ITGB5: variants seen among roughly 807,000 people sequenced by gnomAD.
ITGB5 encodes the protein integrin subunit beta 5, also known as integrin beta-5.
In ITGB5, 38 loss-of-function variants were observed where a neutral mutation model predicts 84.8. That is an observed-to-expected ratio of 0.45 (90% confidence interval 0.35 to 0.59). The LOEUF (loss-of-function observed/expected upper bound fraction) is 0.59, where lower values mean the gene tolerates loss of function less well. Among genes scored for constraint, ITGB5 ranks in the 20% least tolerant of loss-of-function variants. The pLI is 0.01. For synonymous variants in ITGB5, 393 were observed against 414.4 expected (o/e 0.95, Z 0.63); for missense variants, 905 against 1,034.5 (o/e 0.87, Z 1.72).
At chr3:124,876,185 G>A (rs1934303448) in intron 1 of ITGB5, among the ~76,000 whole-genome samples, 1 of 151,998 alleles carries the variant, frequency 6.6e-6, no homozygotes, top group Non-Finnish European at 1.5e-5. Context: ...TATGGGAGGT[G>A]ATAAATATGT....
intron 9 of ITGB5, among the ~76,000 whole-genome samples, chr3:124,806,135 C>G (rs2064398400): frequency 6.6e-6 from 1 of 152,204 alleles, no homozygotes; most frequent in South Asian, 2.1e-4. Context: ...ATCCGCATGA[C>G]TGTGCTGTTG....
At chr3:124,830,677 T>C (rs972161902) in intron 5 of ITGB5, among the ~76,000 whole-genome samples, 3 of 152,126 alleles carry the variant, frequency 2.0e-5, no homozygotes, top group African/African-American at 4.8e-5. Context: ...GCTAAGCAGC[T>C]CTCCTTGATA....
At chr3:124,842,013 G>A (rs189324609) in intron 4 of ITGB5, among the ~76,000 whole-genome samples, 3 of 152,192 alleles carry the variant, frequency 2.0e-5, no homozygotes, top group African/African-American at 4.8e-5. Context: ...TTGCTGCCAC[G>A]CAACAAAGGA....
intron 2 of ITGB5, among the ~76,000 whole-genome samples, chr3:124,869,897 G>A (rs1395107559): frequency 6.6e-6 from 1 of 152,140 alleles, no homozygotes; most frequent in South Asian, 2.1e-4. Flanking sequence ...AATGGACCTG[G>A]CTTCTGGATT....
intron 9 of ITGB5, among the ~76,000 whole-genome samples, chr3:124,806,678 C>A (rs551088370): frequency 3.9e-5 from 6 of 151,944 alleles, no homozygotes; most frequent in Non-Finnish European, 5.9e-5. Flanking sequence ...ACTTCATGAT[C>A]CACCCGCCTA....
upstream of ITGB5, chr3:124,887,762 G>A: frequency 2.3e-6 from 1 of 435,606 alleles, no homozygotes; most frequent in Non-Finnish European, 4.7e-6. Flanking sequence ...TACGGGGGTC[G>A]TGCCGGTACC....
At chr3:124,895,480 C>T (rs1344672858) in intron 1 of ITGB5, among the ~76,000 whole-genome samples, 1 of 152,206 alleles carries the variant, frequency 6.6e-6, no homozygotes, top group Non-Finnish European at 1.5e-5. Flanking sequence ...CTGCCCCTGG[C>T]CTCCCAAAGT....
rs537153833 is a variant in ITGB5, at chr3:124,801,137, G to A, written c.1264-4320C>T. On this transcript the variant is annotated intron_variant, in intron 9 of 14. Coordinates refer to ENST00000296181, the MANE Select transcript of ITGB5 (RefSeq NM_002213.5). ...GGCTACAGAGTCCCGAGGAGTGGAC[G>A]GGAGCGGGGAGGGGGTGCTGTGGGA... is the stretch of plus-strand genomic sequence containing the variant. Among the ~76,000 whole-genome samples, 7 of 152,288 alleles carry A rather than the reference G, an allele frequency of 4.6e-5. No homozygotes were observed. The East Asian group carries it at 5.8e-4, about 13-fold the overall frequency.
intron 5 of ITGB5, among the ~76,000 whole-genome samples, chr3:124,827,120 C>CA (rs370344679): frequency 3.9e-4 from 58 of 150,114 alleles, no homozygotes; most frequent in African/African-American, 9.5e-4. Context: ...CAAAACAAAA[C>CA]AAAAAAAAAC....
At chr3:124,766,083 G>T in intron 13 of ITGB5, 143 bp downstream of exon 13, 4 of 721,454 alleles carry the variant, frequency 5.5e-6, no homozygotes, top group Non-Finnish European at 8.6e-6. Flanking sequence ...AAAAGAAAAA[G>T]AAGAAATTGT....
intron 2 of ITGB5, among the ~76,000 whole-genome samples, chr3:124,872,265 T>C (rs764040846): frequency 1.4e-4 from 21 of 152,204 alleles, no homozygotes; most frequent in Non-Finnish European, 2.8e-4. Context: ...AGGGAAAAGC[T>C]TGGGCTCAGA....
chr3:124,830,042 T>G (rs2064837543), intron 5 of ITGB5, among the ~76,000 whole-genome samples: 1 of 152,172 alleles, frequency 6.6e-6, no homozygotes, highest in Non-Finnish European at 1.5e-5. Context: ...GCTGGCTTGT[T>G]CACTTCCAAC....
At chr3:124,818,833 T>G (rs1047435123) in intron 7 of ITGB5, among the ~76,000 whole-genome samples, 7 of 152,108 alleles carry the variant, frequency 4.6e-5, no homozygotes, top group Non-Finnish European at 1.0e-4. Flanking sequence ...GCAGGAGCAA[T>G]AGAAAAACAC....
At chr3:124,877,537 AT>A (rs1216275176) in intron 1 of ITGB5, among the ~76,000 whole-genome samples, 8 of 152,200 alleles carry the variant, frequency 5.3e-5, no homozygotes, top group African/African-American at 1.9e-4. Context: ...AAATCATGAG[AT>A]TATAGCACCT....
At chr3:124,771,481 G>C (rs1270338497) in intron 11 of ITGB5, among the ~76,000 whole-genome samples, 1 of 152,192 alleles carries the variant, frequency 6.6e-6, no homozygotes, top group Non-Finnish European at 1.5e-5. Context: ...GGGTGTAATG[G>C]CTCACACCTG....
At chr3:124,900,503 A>C (rs1204373169) in intron 1 of ITGB5, among the ~76,000 whole-genome samples, 5 of 152,188 alleles carry the variant, frequency 3.3e-5, no homozygotes, top group Admixed American at 2.0e-4. Flanking sequence ...GGCTCAGGAA[A>C]AATGTTACCA....
upstream of ITGB5, chr3:124,887,831 C>G: frequency 3.6e-6 from 1 of 277,314 alleles, no homozygotes; most frequent in East Asian, 1.2e-4. Context: ...GACGCCCGCG[C>G]GTGGAACCGC....
intron 9 of ITGB5, among the ~76,000 whole-genome samples, chr3:124,800,038 G>A (rs1201830631): frequency 6.6e-6 from 1 of 152,202 alleles, no homozygotes; most frequent in Non-Finnish European, 1.5e-5. Flanking sequence ...GCTTTGAGGG[G>A]CAGATGCCAT....
intron 10 of ITGB5, among the ~76,000 whole-genome samples, chr3:124,795,922 A>G (rs1303760149): frequency 6.6e-6 from 1 of 152,240 alleles, no homozygotes; most frequent in Non-Finnish European, 1.5e-5. Context: ...TCTGGCCTCC[A>G]GAACTGTAAT....
Sources: allele counts gnomAD v4.1 joint callset (sites outside exome capture counted in the v4.1 genomes callset), GRCh38; gene constraint gnomAD v4.1.1; transcripts MANE v1.5; gene names NCBI Gene and HGNC (gene_info 2026-07-23, HGNC 2026-07-21).